PDZD8: variants seen among roughly 807,000 people sequenced by gnomAD.
The protein encoded by PDZD8 is PDZ domain-containing protein 8.
In PDZD8, 14 loss-of-function variants were observed where a neutral mutation model predicts 85.8. That is an observed-to-expected ratio of 0.16 (90% CI 0.11 to 0.26). The LOEUF (loss-of-function observed/expected upper bound fraction) is 0.26, where lower values mean the gene tolerates loss of function less well. Among genes scored for constraint, PDZD8 ranks in the 10% least tolerant of loss-of-function variants. PDZD8 has a pLI of 1.00. For missense variants in PDZD8, 1,197 were observed against 1,424.3 expected (o/e 0.84, Z 2.57); for synonymous variants, 592 against 568.6 (o/e 1.04, Z -0.59).
chr10:117,371,272 C>A (rs1845185692), intron 1 of PDZD8, among the ~76,000 whole-genome samples: 1 of 152,138 alleles, frequency 6.6e-6, no homozygotes, highest in South Asian at 2.1e-4. Context: ...GCAACCTCTG[C>A]CTCCCAGGTA....
chr10:117,362,525 C>T (rs1845016040), intron 1 of PDZD8, among the ~76,000 whole-genome samples: 1 of 152,018 alleles, frequency 6.6e-6, no homozygotes, highest in Non-Finnish European at 1.5e-5. Context: ...CAAGAGAAAT[C>T]ATAAGAGCAC....
At chr10:117,364,131 T>C (rs554142090) in intron 1 of PDZD8, among the ~76,000 whole-genome samples, 1 of 152,022 alleles carries the variant, frequency 6.6e-6, no homozygotes, top group African/African-American at 2.4e-5. Flanking sequence ...TGGACAGACC[T>C]TGAATTCAAC....
rs764637535 is a variant in PDZD8 at position 117,375,144 on chromosome 10, G to A, written c.84C>T (p.Arg28=). The A allele has an allele frequency of 6.3e-7, 1 of 1,590,036 alleles. No individual in the cohort carries two copies. Among genetic ancestry groups the A allele is most frequent in the South Asian group, 1.1e-5 (1 of 89,338 alleles). The change falls in exon 1 of 5, where the codon CGC becomes CGT. Residue 28 remains arginine, a synonymous_variant. Transcript: ENST00000334464. ...CGTCCGCCGGCGGCTCGGGCTGTCTGCGGTACAGCAGGAAGAACTGGGCGA... is the reference window on the plus strand; with the variant it reads ...CGTCCGCCGGCGGCTCGGGCTGTCTACGGTACAGCAGGAAGAACTGGGCGA... ...TLLAQFFLLY[R]RQPEPPADEA...
chr10:117,357,162 G>A (rs934743946), intron 1 of PDZD8, among the ~76,000 whole-genome samples: 3 of 152,230 alleles, frequency 2.0e-5, no homozygotes, highest in Non-Finnish European at 4.4e-5. Context: ...GAAGGCCACA[G>A]AAGGTGGATC....
rs1182332160 is a variant in PDZD8 at position 117,277,376 on chromosome 10, G to C, written c.*5892C>G. On this transcript the variant is annotated 3_prime_UTR_variant, in exon 5 of 5. Transcript: ENST00000334464. ...CATACCATCCATCCCTGGTGAAAGA[G>C]TAAAACCAAAGGTTATTATTTCCTT... The C allele has an allele frequency of 3.4e-6, 2 of 588,598 alleles. No individual in the cohort carries two copies. The highest frequency in any genetic ancestry group is 6.3e-5 in the East Asian group (2 of 31,854). 36.5% of individuals were successfully genotyped at this position (588,598 alleles called of 1,614,324 possible).
chr10:117,332,649 G>A (rs1429999772), intron 2 of PDZD8, among the ~76,000 whole-genome samples: 1 of 151,692 alleles, frequency 6.6e-6, no homozygotes, highest in East Asian at 2.0e-4. Context: ...TGGGATTACA[G>A]GCATATGCCA....
At chr10:117,329,545 A>C (rs530931364) in intron 2 of PDZD8, among the ~76,000 whole-genome samples, 3 of 152,318 alleles carry the variant, frequency 2.0e-5, no homozygotes, top group Admixed American at 6.5e-5. Flanking sequence ...ACAAGCTTAG[A>C]GTTCCAATAA....
intron 1 of PDZD8, among the ~76,000 whole-genome samples, chr10:117,369,993 C>G (rs946016365): frequency 6.6e-6 from 1 of 152,064 alleles, no homozygotes; most frequent in Non-Finnish European, 1.5e-5. Context: ...GAGCTCCCCA[C>G]CCAGACACTA....
At chr10:117,339,417 C>T (rs1004546458) in intron 2 of PDZD8, among the ~76,000 whole-genome samples, 6 of 152,230 alleles carry the variant, frequency 3.9e-5, no homozygotes, top group Middle Eastern at 3.4e-3. Context: ...CTTCATGGAG[C>T]AGAGAAGGGG....
chr10:117,358,570 C>A (rs1207133415), intron 1 of PDZD8, among the ~76,000 whole-genome samples: 5 of 152,094 alleles, frequency 3.3e-5, no homozygotes, highest in Non-Finnish European at 7.4e-5. Flanking sequence ...CATCCCTTAT[C>A]TTTCTCTTCC....
At chr10:117,332,963 AC>A (rs1471354727) in intron 2 of PDZD8, among the ~76,000 whole-genome samples, 1 of 151,486 alleles carries the variant, frequency 6.6e-6, no homozygotes, top group Non-Finnish European at 1.5e-5. Flanking sequence ...TACTAAAAAT[AC>A]AAAAATTAGA....
At position 117,326,767 on chromosome 10, in the gene PDZD8, G is replaced by A. The variant is rs539154101; in HGVS notation, c.996-7793C>T. ...TAAATTAGCACAGTCATGGGAAGCT[G>A]GATAATAGAATTTCTACCTACTAGC... On this transcript the variant is annotated intron_variant, in intron 2 of 4. Coordinates refer to ENST00000334464, the MANE Select transcript of PDZD8 (RefSeq NM_173791.5). Among the ~76,000 whole-genome samples, 16 of 152,264 alleles carry A rather than the reference G, an allele frequency of 1.1e-4. No individual in the cohort carries two copies. In the East Asian group the frequency reaches 3.1e-3, roughly 29 times the overall value.
At chr10:117,330,529 G>T (rs914054004) in intron 2 of PDZD8, among the ~76,000 whole-genome samples, 1 of 152,138 alleles carries the variant, frequency 6.6e-6, no homozygotes, top group Non-Finnish European at 1.5e-5. Context: ...CCTACACTCA[G>T]ATCCTTAGAG....
chr10:117,347,672 A>C (rs1844732584), intron 1 of PDZD8, among the ~76,000 whole-genome samples: 1 of 152,212 alleles, frequency 6.6e-6, no homozygotes, highest in Non-Finnish European at 1.5e-5. Context: ...TGTAGTCAAA[A>C]AGTACAATAA....
chr10:117,283,151 A>G lies in PDZD8; in HGVS notation c.*117T>C. On this transcript the variant is annotated 3_prime_UTR_variant, in exon 5 of 5. Transcript: ENST00000334464. ...CCTTTCTCATTTTTGTTCTTACACA[A>G]GCAAGTAACTGGAGAAGCAGGCCAG... is the stretch of plus-strand genomic sequence containing the variant. 1 of 1,028,520 alleles carries G rather than the reference A, an allele frequency of 9.7e-7. No individual in the cohort carries two copies. 63.7% of individuals were successfully genotyped at this position (1,028,520 alleles called of 1,614,324 possible). A position where few individuals can be genotyped will look rare whatever the true frequency, so the allele number is the denominator to read the frequency against.
chr10:117,375,224 C>A lies in PDZD8; in HGVS notation c.4G>T (p.Gly2Trp). 6.7e-7 allele frequency: 1 copy of A among 1,489,114 alleles called. No individual in the cohort carries two copies. The allele number at this position is 1,489,114 out of a possible 1,614,324, so 92.2% of individuals were successfully genotyped here. A position where few individuals can be genotyped will look rare whatever the true frequency, so the allele number is the denominator to read the frequency against. Residue 2 changes from glycine (G) to tryptophan (W), a missense_variant, in exon 1 of 5, where the codon GGG becomes TGG. By Grantham distance (184) the Gly-to-Trp change is radical. Coordinates refer to ENST00000334464, the MANE Select transcript of PDZD8 (RefSeq NM_173791.5). Reference protein sequence around the residue: MGLLLMILASAV... With the variant: MWLLLMILASAV... ...GACGCCAGGATCATGAGCAGCAGCC[C>A]CATCCCGCCACCGCCTCCGCCCGGG...
intron 1 of PDZD8, among the ~76,000 whole-genome samples, chr10:117,350,515 C>T (rs1461935858): frequency 5.3e-5 from 8 of 151,282 alleles, no homozygotes; most frequent in Admixed American, 2.6e-4. Flanking sequence ...CCACCTGCTT[C>T]GGCCTCCCAA....
rs1844529874 is a variant in PDZD8, at chr10:117,278,374, A to G, written c.*4894T>C. 1 of 152,268 alleles carries G rather than the reference A, an allele frequency of 6.6e-6. No homozygotes were observed. The highest frequency in any genetic ancestry group is 2.4e-5 in the African/African-American group (1 of 41,474). 9.4% of individuals were successfully genotyped at this position (152,268 alleles called of 1,614,324 possible). On this transcript the variant is annotated 3_prime_UTR_variant, in exon 5 of 5. Transcript: ENST00000334464. ...ATATTAAGAAGTAAAAATAATAGTGATCAGGCAGAAAAGAAAAATGGAACA... is the reference window on the plus strand; with the variant it reads ...ATATTAAGAAGTAAAAATAATAGTGGTCAGGCAGAAAAGAAAAATGGAACA...
intron 2 of PDZD8, among the ~76,000 whole-genome samples, chr10:117,322,107 T>C (rs1844235560): frequency 6.6e-6 from 1 of 152,164 alleles, no homozygotes; most frequent in Non-Finnish European, 1.5e-5. Flanking sequence ...ATCTCCAGGT[T>C]GGGTGCACTA....
Sources: allele counts gnomAD v4.1 joint callset (sites outside exome capture counted in the v4.1 genomes callset), GRCh38; gene constraint gnomAD v4.1.1; transcripts MANE v1.5; gene names NCBI Gene and HGNC (gene_info 2026-07-23, HGNC 2026-07-21).